The following ZSWIM5 variants were observed in gnomAD, a reference collection of about 807,000 sequenced individuals.
ZSWIM5 encodes zinc finger SWIM-type containing 5, also known as zinc finger SWIM domain-containing protein 5.
A neutral mutation model predicts 119.6 loss-of-function variants in ZSWIM5; 55 were observed. That is an observed-to-expected ratio of 0.46 (90% CI 0.37 to 0.58). The LOEUF (loss-of-function observed/expected upper bound fraction) is 0.58, where lower values mean the gene tolerates loss of function less well. ZSWIM5 is among the 20% of genes least tolerant of loss of function. The probability of loss-of-function intolerance (pLI) is 0.00; values close to 1 mark genes in which losing one functional copy is unlikely to be tolerated. For missense variants in ZSWIM5, 1,193 were observed against 1,512.8 expected, an observed-to-expected ratio of 0.79 and a Z score of 3.51; for synonymous variants, 537 against 606.9, an observed-to-expected ratio of 0.88 and a Z score of 1.69.
intron 2 of ZSWIM5, among the ~76,000 whole-genome samples, chr1:45,081,868 G>C (rs1189066445): frequency 2.0e-5 from 3 of 152,042 alleles, no homozygotes; most frequent in Non-Finnish European, 4.4e-5. Flanking sequence ...TGACAATGGC[G>C]GCTTTGTGGA....
chr1:45,156,236 C>T (rs1645826043), intron 1 of ZSWIM5, among the ~76,000 whole-genome samples: 1 of 151,836 alleles, frequency 6.6e-6, no homozygotes, highest in Admixed American at 6.6e-5. Flanking sequence ...GAACTAAACA[C>T]TGGATACACA....
At chr1:45,200,895 C>T (rs1162082236) in intron 1 of ZSWIM5, among the ~76,000 whole-genome samples, 2 of 152,038 alleles carry the variant, frequency 1.3e-5, no homozygotes, top group Non-Finnish European at 2.9e-5. Context: ...ATGTCACCCC[C>T]CAAAAAATAT....
chr1:45,190,927 A>T lies in ZSWIM5; in HGVS notation c.595+14829T>A, dbSNP rs1333594268. On this transcript the variant is annotated intron_variant, in intron 1 of 13. Coordinates refer to ENST00000359600, the MANE Select transcript of ZSWIM5 (RefSeq NM_020883.2). ...TCCATGTTCGACTGAAATAGCTGGA[A>T]TTTTTTTTTTTTTTTTTTTTTTTTT... is the stretch of plus-strand genomic sequence containing the variant. Among the ~76,000 whole-genome samples the T allele has an allele frequency of 4.5e-3, 219 of 48,956 alleles. 1 individual carries two copies. Among genetic ancestry groups the T allele is most frequent in the African/African-American group, 0.017 (177 of 10,674 alleles). 32.1% of individuals were successfully genotyped at this position (48,956 alleles called of 152,430 possible). A position where few individuals can be genotyped will look rare whatever the true frequency, so the allele number is the denominator to read the frequency against.
intron 1 of ZSWIM5, among the ~76,000 whole-genome samples, chr1:45,136,154 C>T (rs346688): frequency 0.063 from 9,544 of 152,134 alleles, 348 homozygotes; most frequent in East Asian, 0.11. Flanking sequence ...AGCCACTGTG[C>T]CCAGCCTCAA....
At position 45,093,384 on chromosome 1, in the gene ZSWIM5, T is replaced by C. The variant is rs114252653; in HGVS notation, c.596-5147A>G. Among the ~76,000 whole-genome samples, 156 of 152,306 alleles carry C rather than the reference T, an allele frequency of 1.0e-3. 1 individual carries two copies. The highest frequency in any genetic ancestry group is 3.6e-3 in the African/African-American group (150 of 41,570). On this transcript the variant is annotated intron_variant, in intron 1 of 13. Transcript: ENST00000359600. ...AGATTCCAGTTGTCTTCAAAATAGA[T>C]CAAAATTAAAACAACTAGAAACTTT...
chr1:45,018,130 G>A lies in ZSWIM5; in HGVS notation c.*324C>T. The A allele has an allele frequency of 2.7e-6, 1 of 364,258 alleles. No homozygotes were observed. The highest frequency in any genetic ancestry group is 4.3e-5 in the Admixed American group (1 of 23,166). 22.6% of individuals were successfully genotyped at this position (364,258 alleles called of 1,614,324 possible). On this transcript the variant is annotated 3_prime_UTR_variant, in exon 14 of 14. Coordinates refer to ENST00000359600, the MANE Select transcript of ZSWIM5 (RefSeq NM_020883.2). The surrounding 1 kb of genome is among the most constrained non-coding windows in gnomAD (Gnocchi z 6.7). The stretch of plus-strand genomic sequence containing the variant: ...CTCTGGTTAAGCAATCCCTGAGATG[G>A]AACAGTGTTCTGTGTTTGCCAAGGG...
At chr1:45,205,653 A>C (rs1268636413) in intron 1 of ZSWIM5, 103 bp downstream of exon 1, 31 of 1,237,102 alleles carry the variant, frequency 2.5e-5, no homozygotes, top group Non-Finnish European at 3.1e-5. Context: ...GGGGTACAGG[A>C]GTTGGGCAGA....
chr1:45,081,311 C>G (rs1207172587), intron 2 of ZSWIM5, among the ~76,000 whole-genome samples: 1 of 151,760 alleles, frequency 6.6e-6, no homozygotes, highest in African/African-American at 2.4e-5. Flanking sequence ...GTCTCCCTCT[C>G]CCCATGGTCT....
intron 1 of ZSWIM5, among the ~76,000 whole-genome samples, chr1:45,106,605 G>A (rs1248433494): frequency 2.7e-5 from 4 of 146,450 alleles, no homozygotes; most frequent in African/African-American, 1.0e-4. Flanking sequence ...CCTCTGCCCG[G>A]CCGCCCCGTC....
intron 1 of ZSWIM5, among the ~76,000 whole-genome samples, chr1:45,180,072 A>G (rs766066504): frequency 5.3e-5 from 8 of 152,184 alleles, no homozygotes; most frequent in Admixed American, 1.3e-4. Context: ...GGAGTGCCAG[A>G]TAGTGGGCAC....
In ZSWIM5 at chr1:45,174,890, T is replaced by A. The variant is rs758045403; in HGVS notation, c.595+30866A>T. 1.1e-4 allele frequency among the ~76,000 whole-genome samples: 17 copies of A among 151,898 alleles called. 1 individual carries two copies. Among genetic ancestry groups the A allele is most frequent in the Non-Finnish European group, 1.8e-4 (12 of 67,976 alleles). ...TACTGCCTTATCACCCCAGAATACT[T>A]TTTTTGTGTATTTCCTTCAAAGATA... is the stretch of plus-strand genomic sequence containing the variant. On this transcript the variant is annotated intron_variant, in intron 1 of 13. Transcript: ENST00000359600.
At chr1:45,194,926 A>G (rs1319695529) in intron 1 of ZSWIM5, among the ~76,000 whole-genome samples, 1 of 152,108 alleles carries the variant, frequency 6.6e-6, no homozygotes, top group Non-Finnish European at 1.5e-5. Flanking sequence ...AAGTGTTTTC[A>G]ATCTTTATTG....
chr1:45,171,232 A>T (rs1645944507), intron 1 of ZSWIM5, among the ~76,000 whole-genome samples: 1 of 152,134 alleles, frequency 6.6e-6, no homozygotes, highest in Non-Finnish European at 1.5e-5. Context: ...TCCTCCAGGT[A>T]CATTTTCAAT....
chr1:45,185,516 A>C, intron 1 of ZSWIM5, among the ~76,000 whole-genome samples: 1 of 152,174 alleles, frequency 6.6e-6, no homozygotes, highest in South Asian at 2.1e-4. Flanking sequence ...CAAAGGGCTA[A>C]TATCCAGAAT....
intron 1 of ZSWIM5, among the ~76,000 whole-genome samples, chr1:45,103,248 T>G (rs539785515): frequency 6.6e-6 from 1 of 152,294 alleles, no homozygotes; most frequent in Non-Finnish European, 1.5e-5. Context: ...ATACAAGCAG[T>G]TTTTATCAGC....
chr1:45,105,857 C>CA (rs1645470927), intron 1 of ZSWIM5, among the ~76,000 whole-genome samples: 2 of 144,324 alleles, frequency 1.4e-5, no homozygotes, highest in Admixed American at 6.8e-5. Context: ...AGCACCTCTG[C>CA]CTGGCCGCCC....
chr1:45,112,951 G>A (rs1159910197), intron 1 of ZSWIM5, among the ~76,000 whole-genome samples: 1 of 152,208 alleles, frequency 6.6e-6, no homozygotes, highest in Non-Finnish European at 1.5e-5. Context: ...GTACTTTTGA[G>A]TAGACTGATG....
intron 1 of ZSWIM5, among the ~76,000 whole-genome samples, chr1:45,165,104 A>G (rs912173467): frequency 1.8e-4 from 28 of 152,280 alleles, no homozygotes; most frequent in African/African-American, 6.3e-4. Flanking sequence ...AACAGAAATT[A>G]TAACAAACTG....
chr1:45,034,277 G>A, intron 11 of ZSWIM5, 35 bp downstream of exon 11: 1 of 1,541,406 alleles, frequency 6.5e-7, no homozygotes, highest in Non-Finnish European at 8.7e-7. Flanking sequence ...CAGGCAGACG[G>A]GTGATGCTGG....
Sources: gnomAD v4.1 joint callset for allele counts (sites outside exome capture counted in the v4.1 genomes callset) on GRCh38, gnomAD v4.1.1 for gene constraint, Gnocchi (gnomAD v3.1) non-coding constraint, MANE v1.5 for transcripts, NCBI Gene and HGNC (gene_info 2026-07-23, HGNC 2026-07-21) for gene names.